Variants in ACADSB observed in about 807,000 individuals in gnomAD.
ACADSB encodes the protein short/branched chain specific acyl-CoA dehydrogenase, mitochondrial.
A neutral mutation model predicts 54.1 loss-of-function variants in ACADSB; 40 were observed. The ratio of observed to expected loss-of-function variants is 0.74; its 90% CI spans 0.57 to 0.96. The LOEUF (loss-of-function observed/expected upper bound fraction) is 0.96. Among genes scored for constraint, ACADSB ranks in the 40% least tolerant of loss-of-function variants. The pLI is 0.00. For synonymous variants in ACADSB, 182 were observed against 182.8 expected (o/e 1.00, Z 0.03); for missense variants, 530 against 510.4 (o/e 1.04, Z -0.37).
chr10:123,036,100 T>C (rs1423505788), intron 2 of ACADSB, among the ~76,000 whole-genome samples: 1 of 152,214 alleles, frequency 6.6e-6, no homozygotes, highest in East Asian at 1.9e-4. Flanking sequence ...CTTTCTTTTT[T>C]TTTTGAAAGG....
At chr10:123,027,533 T>C (rs1167683086) in intron 1 of ACADSB, 4 of 455,448 alleles carry the variant, frequency 8.8e-6, no homozygotes, top group African/African-American at 4.0e-5. Flanking sequence ...GCTGCTGCTA[T>C]GTAAGAAGTG....
rs1455678573 is a variant in ACADSB, at chr10:123,040,455, T to C, written c.304-11T>C. ...GCTTTCTTAATCTATGTTGCCTTGT[T>C]TTTTCTTTAGTTGATGGGTATTGAA... On this transcript the variant is annotated splice_polypyrimidine_tract_variant and intron_variant, in intron 3 of 10. Transcript: ENST00000358776. 1.2e-6 allele frequency: 2 copies of C among 1,611,232 alleles called. No homozygotes were observed. The highest frequency in any genetic ancestry group is 1.7e-5 in the Admixed American group (1 of 59,996).
Position 123,055,929 on chromosome 10 carries a change from C to T in ACADSB, c.*2164C>T, listed in dbSNP as rs1411136670. The T allele has an allele frequency of 1.3e-5, 2 of 152,232 alleles. No homozygotes were observed. The highest frequency in any genetic ancestry group is 4.8e-5 in the African/African-American group (2 of 41,452). The allele number at this position is 152,232 out of a possible 1,614,324, so 9.4% of individuals were successfully genotyped here. A position where few individuals can be genotyped will look rare whatever the true frequency, so the allele number is the denominator to read the frequency against. On this transcript the variant is annotated 3_prime_UTR_variant, in exon 11 of 11. Coordinates refer to ENST00000358776, the MANE Select transcript of ACADSB (RefSeq NM_001609.4). The stretch of plus-strand genomic sequence containing the variant: ...AAACACAGCAAGAGTCACCTTTACT[C>T]CAGTTCCCAAAAAGTTTTTCATCTC...
At chr10:123,011,928 C>T (rs546021508) in intron 1 of ACADSB, among the ~76,000 whole-genome samples, 49 of 151,960 alleles carry the variant, frequency 3.2e-4, no homozygotes, top group African/African-American at 9.9e-4. Flanking sequence ...CATAGCTCAC[C>T]GTAACCTTGA....
At chr10:123,040,379 A>G in intron 3 of ACADSB, 87 bp from the exon 4 acceptor site, 1 of 1,104,174 alleles carries the variant, frequency 9.1e-7, no homozygotes, top group Non-Finnish European at 1.4e-6. Context: ...AAATATGGTT[A>G]CAGTTTATTT....
At chr10:123,048,502 A>T (rs749448033) in intron 8 of ACADSB, among the ~76,000 whole-genome samples, 10 of 152,092 alleles carry the variant, frequency 6.6e-5, no homozygotes, top group South Asian at 2.1e-4. Context: ...TACCACAAAG[A>T]TTGCAGTGAA....
intron 5 of ACADSB, among the ~76,000 whole-genome samples, chr10:123,042,672 C>T (rs1465424550): frequency 6.6e-6 from 1 of 151,606 alleles, no homozygotes; most frequent in East Asian, 1.9e-4. Flanking sequence ...GGTTTCAAAC[C>T]CCTGACCTCA....
At chr10:123,014,645 A>AT (rs1225755689) in intron 1 of ACADSB, among the ~76,000 whole-genome samples, 1 of 152,234 alleles carries the variant, frequency 6.6e-6, no homozygotes, top group Non-Finnish European at 1.5e-5. Context: ...AAAAAATTAC[A>AT]TTTTTAATTG....
rs564497027 is a variant in ACADSB at position 123,034,358 on chromosome 10, A to C, written c.45A>C (p.Leu15=). The change falls in exon 2 of 11, where the codon CTA becomes CTC. Residue 15 remains leucine (L), a splice_region_variant and synonymous_variant. Transcript: ENST00000358776. The part of the protein sequence containing the change: ...AVRLLRGSRL[L]RRNFLTCLSS... ...TCATGTGTGTATGTTCCCTACAGCT[A>C]AGAAGAAATTTCCTGACTTGTTTGT... 279 of 1,613,654 alleles carry C rather than the reference A, an allele frequency of 1.7e-4. 3 individuals carry two copies. The South Asian group carries it at 2.7e-3, about 16-fold the overall frequency.
intron 1 of ACADSB, among the ~76,000 whole-genome samples, chr10:123,018,024 A>C (rs765338069): frequency 8.5e-5 from 13 of 152,120 alleles, no homozygotes; most frequent in Non-Finnish European, 1.6e-4. Flanking sequence ...GTTGATGTTC[A>C]TGCTGGTGAG....
At chr10:123,025,148 TAATTAATGAAAATAAAAG>T (rs1308002076) in intron 1 of ACADSB, among the ~76,000 whole-genome samples, 6 of 152,240 alleles carry the variant, frequency 3.9e-5, no homozygotes, top group African/African-American at 1.4e-4. Flanking sequence ...GAAGAAAAAG[TAATTAATGAAAATAAAAG>T]GCTTTTAGGC....
rs141363450 is a variant in ACADSB, at chr10:123,029,462, T to C, written c.43-4894T>C. ...TGAAGCTCATCTGTATGCTTCCTGT[T>C]TGTGTTTTTAAACTTTTACTATATC... On this transcript the variant is annotated intron_variant, in intron 1 of 10. Coordinates refer to ENST00000358776, the MANE Select transcript of ACADSB (RefSeq NM_001609.4). Among the ~76,000 whole-genome samples, 193 of 152,278 alleles carry C rather than the reference T, an allele frequency of 1.3e-3. 1 individual carries two copies. The highest frequency in any genetic ancestry group is 6.8e-3 in the Middle Eastern group (2 of 294).
intron 1 of ACADSB, among the ~76,000 whole-genome samples, chr10:123,023,427 A>G (rs2133462978): frequency 6.6e-6 from 1 of 152,326 alleles, no homozygotes; most frequent in South Asian, 2.1e-4. Flanking sequence ...CCAATTTGGT[A>G]GAAACAACAT....
Position 123,049,630 on chromosome 10 carries a change from A to G in ACADSB, c.991-1419A>G, listed in dbSNP as rs1400510986. Among the ~76,000 whole-genome samples the G allele has an allele frequency of 2.0e-5, 3 of 152,364 alleles. No individual in the cohort carries two copies. The East Asian group carries it at 5.8e-4, about 29-fold the overall frequency. On this transcript the variant is annotated intron_variant, in intron 8 of 10. Coordinates refer to ENST00000358776, the MANE Select transcript of ACADSB (RefSeq NM_001609.4). ...ACTGATGGAACAAAACAGAAAAGCC[A>G]GAAATAGACCCATGCATGCAGCAGA...
Position 123,052,325 on chromosome 10 carries a change from A to G in ACADSB, c.1129-736A>G, listed in dbSNP as rs532525840. On this transcript the variant is annotated intron_variant, in intron 9 of 10. Coordinates refer to ENST00000358776, the MANE Select transcript of ACADSB (RefSeq NM_001609.4). The surrounding 1 kb of genome is among the most constrained non-coding windows in gnomAD (Gnocchi z 4.2). Reference sequence around the variant, plus strand: ...TTTCCAGCTTCTAGGGGCTGCTCACATTCCTTGACTCGTAGCCCCTTCCTC... The same window carrying G: ...TTTCCAGCTTCTAGGGGCTGCTCACGTTCCTTGACTCGTAGCCCCTTCCTC... 6.6e-6 allele frequency among the ~76,000 whole-genome samples: 1 copy of G among 152,248 alleles called. No homozygotes were observed. The highest frequency in any genetic ancestry group is 1.9e-4 in the East Asian group (1 of 5,180).
Position 123,041,343 on chromosome 10 carries a change from G to A in ACADSB, c.645G>A (p.Gly215=). Residue 215 remains glycine (G), a synonymous_variant, in exon 5 of 11, where the codon GGG becomes GGA. Coordinates refer to ENST00000358776, the MANE Select transcript of ACADSB (RefSeq NM_001609.4). ...GGATCAGCAGTGCTGAGCACGCAGG[G>A]CTCTTTCTGGTGATGGCAAATGTAG... ...KMWISSAEHA[G]LFLVMANVDP... 1 of 1,614,164 alleles carries A rather than the reference G, an allele frequency of 6.2e-7. No individual in the cohort carries two copies. Among genetic ancestry groups the A allele is most frequent in the Non-Finnish European group, 8.5e-7 (1 of 1,180,024 alleles).
In ACADSB at chr10:123,043,159, C is replaced by G. The variant is rs150619709; in HGVS notation, c.795C>G (p.Phe265Leu). The stretch of plus-strand genomic sequence containing the variant: ...CTTCTTCCACCTGCCCGTTAACATT[C>G]GAAAATGTCAAGGTGGGTATCGTAG... ...LRASSTCPLT[F>L]ENVKVPEANI... is the part of the protein sequence containing the mutation. The change falls in exon 6 of 11, where the codon TTC becomes TTG. Residue 265 changes from phenylalanine to leucine, a missense_variant. Physicochemically the swap from Phe to Leu is conservative, Grantham distance 22 (BLOSUM62 0). Transcript: ENST00000358776. The G allele has an allele frequency of 6.8e-6, 11 of 1,613,732 alleles. No individual in the cohort carries two copies. The highest frequency in any genetic ancestry group is 8.5e-7 in the Non-Finnish European group (1 of 1,179,792).
intron 1 of ACADSB, among the ~76,000 whole-genome samples, chr10:123,017,735 T>A (rs1000446488): frequency 6.6e-6 from 1 of 152,228 alleles, no homozygotes; most frequent in Non-Finnish European, 1.5e-5. Context: ...AAACAAAAAC[T>A]TCCCAAGGAC....
chr10:123,050,970 G>A (rs961550572), intron 8 of ACADSB, 79 bp from the exon 9 acceptor site: 97 of 1,490,832 alleles, frequency 6.5e-5, no homozygotes, highest in Non-Finnish European at 8.6e-5. Context: ...TCAGTGTTGT[G>A]TATCTAGGCA....
Sources: gnomAD v4.1 joint callset for allele counts (sites outside exome capture counted in the v4.1 genomes callset) on GRCh38, gnomAD v4.1.1 for gene constraint, Gnocchi (gnomAD v3.1) non-coding constraint, MANE v1.5 for transcripts, NCBI Gene and HGNC (gene_info 2026-07-23, HGNC 2026-07-21) for gene names.